Variants in NFKB2 observed in about 807,000 individuals in gnomAD.
NFKB2 encodes nuclear factor NF-kappa-B p100 subunit.
A neutral mutation model predicts 109.3 loss-of-function variants in NFKB2; 21 were observed. The observed-to-expected ratio is 0.19, with a 90% CI of 0.14 to 0.28. The LOEUF is 0.28. NFKB2 is among the 10% of genes least tolerant of loss of function. The pLI, the probability that NFKB2 is intolerant of heterozygous loss-of-function variation, is 1.00. For synonymous variants in NFKB2, 478 were observed against 489.9 expected (o/e 0.98, Z 0.32); for missense variants, 806 against 1,185.3 (o/e 0.68, Z 4.70).
At chr10:102,394,548 G>C (rs570589161), upstream of NFKB2, 1 of 143,850 alleles carries the variant, frequency 7.0e-6, no homozygotes, top group Non-Finnish European at 1.5e-5. Flanking sequence ...TGTCGCGACC[G>C]GTCCCAGGTG....
At position 102,399,605 on chromosome 10, in the gene NFKB2, C is replaced by T. The variant is rs1469768633; in HGVS notation, c.1356C>T (p.Gly452=). 2.6e-6 allele frequency: 4 copies of T among 1,548,512 alleles called. No homozygotes were observed. The highest frequency in any genetic ancestry group is 3.5e-6 in the Non-Finnish European group (4 of 1,146,500). The change falls in exon 14 of 23, where the codon GGC becomes GGT. Residue 452 remains glycine (G), a synonymous_variant. Transcript: ENST00000661543. ...RAREYNARLF[G]LAQRSARALL... ...GAGAGTACAACGCGCGCCTGTTCGG[C>T]CTGGCGCAGCGCAGCGCCCGAGCCC...
rs972735012 is a variant in NFKB2, at chr10:102,397,896, G to A, written c.662-85G>A. 10 of 1,431,330 alleles carry A rather than the reference G, an allele frequency of 7.0e-6. No homozygotes were observed. The highest frequency in any genetic ancestry group is 9.8e-6 in the Non-Finnish European group (10 of 1,020,818). The allele number at this position is 1,431,330 out of a possible 1,614,324, so 88.7% of individuals were successfully genotyped here. ...GTTTCCTGCAGCTCCAGGGGTTGCT[G>A]AGATAAGGAATACAAAGCCCCCAGC... On this transcript the variant is annotated intron_variant, in intron 8 of 22. Coordinates refer to ENST00000661543, the MANE Select transcript of NFKB2 (RefSeq NM_001322934.2). The surrounding 1 kb of genome is among the most constrained non-coding windows in gnomAD (Gnocchi z 4.7).
rs1009457501 is a variant in NFKB2, at chr10:102,398,039, G to A, written c.720G>A (p.Val240=). The A allele has an allele frequency of 3.1e-6, 5 of 1,614,040 alleles. No individual in the cohort carries two copies. The African/African-American group carries it at 5.3e-5, about 17-fold the overall frequency. The change falls in exon 9 of 23, where the codon GTG becomes GTA. Residue 240 remains valine (V), a synonymous_variant. Transcript: ENST00000661543. The surrounding 1 kb of genome is among the most constrained non-coding windows in gnomAD (Gnocchi z 6.6). ...ISRMDKTAGS[V]RGGDEVYLLC... ...GAATGGACAAGACAGCAGGCTCTGT[G>A]CGGGGTGGAGATGAAGTTTATCTGC...
chr10:102,399,525 G>T (rs1006420293), intron 13 of NFKB2, 28 bp downstream of exon 13: 5 of 1,503,324 alleles, frequency 3.3e-6, no homozygotes, highest in African/African-American at 1.4e-5. Flanking sequence ...CGGGCGGTCG[G>T]GGCGCCGGGG....
At position 102,396,489 on chromosome 10, in the gene NFKB2, GGTGA is replaced by G; in HGVS notation, c.144+6_144+9del. 1.2e-6 allele frequency: 2 copies of G among 1,614,024 alleles called. No individual in the cohort carries two copies. The highest frequency in any genetic ancestry group is 1.7e-6 in the Non-Finnish European group (2 of 1,180,014). ...TGGTGATCGTGGAACAGCCTAAGCAGGTGAGTGAGCAAAAGGGAGGGTGTGGAAT... is the reference window on the plus strand; with the variant it reads ...TGGTGATCGTGGAACAGCCTAAGCAGGTGAGCAAAAGGGAGGGTGTGGAAT... On this transcript the variant is annotated splice_donor_variant and splice_donor_region_variant and intron_variant, in intron 4 of 22. Transcript: ENST00000661543. LOFTEE classifies it high-confidence loss of function. The surrounding 1 kb of genome is among the most constrained non-coding windows in gnomAD (Gnocchi z 5.9).
chr10:102,402,128 TC>T lies in NFKB2; in HGVS notation c.2549del (p.Pro850GlnfsTer13). 1 of 1,578,642 alleles carries T rather than the reference TC, an allele frequency of 6.3e-7. No individual in the cohort carries two copies. Among genetic ancestry groups the T allele is most frequent in the Non-Finnish European group, 8.6e-7 (1 of 1,161,976 alleles). ...AGGAGGGAGTGAGGCTGCTGAGGGGTCCAGAAACCCGAGACAAGCTGCCCAG... is the reference window on the plus strand; with the variant it reads ...AGGAGGGAGTGAGGCTGCTGAGGGGTCAGAAACCCGAGACAAGCTGCCCAG... Reference protein sequence around the residue: ...LEEGVRLLRGPETRDKLPSTA... With the variant: ...LEEGVRLLRGXETRDKLPSTA... On this transcript the variant is annotated frameshift_variant, in exon 22 of 23. Coordinates refer to ENST00000661543, the MANE Select transcript of NFKB2 (RefSeq NM_001322934.2). LOFTEE classifies it high-confidence loss of function.
chr10:102,401,842 T>C lies in NFKB2; in HGVS notation c.2391T>C (p.Arg797=), dbSNP rs1351507874. The C allele has an allele frequency of 6.2e-7, 1 of 1,613,848 alleles. No homozygotes were observed. Among genetic ancestry groups the C allele is most frequent in the Non-Finnish European group, 8.5e-7 (1 of 1,179,966 alleles). ...GCAGCTGGGCAGAGCTGGCAGAGCG[T>C]CTGGGGCTGCGCAGCCTGGTAGACA... The part of the protein sequence containing the change: ...AQGSWAELAE[R]LGLRSLVDTY... Residue 797 remains arginine (R), a synonymous_variant, in exon 21 of 23, where the codon CGT becomes CGC. Coordinates refer to ENST00000661543, the MANE Select transcript of NFKB2 (RefSeq NM_001322934.2). This position sits in a 1 kb window ranked among gnomAD's most constrained non-coding sequence, Gnocchi z 4.2.
Position 102,395,770 on chromosome 10 carries a change from C to T in NFKB2, c.-99C>T, listed in dbSNP as rs1355289167. On this transcript the variant is annotated 5_prime_UTR_variant, in exon 1 of 23. Transcript: ENST00000661543. ...CTCGCTCTCCACCGGATCTCACCCGCCACACCCGGACAGGCGGCTGGAGGA... is the reference window on the plus strand; with the variant it reads ...CTCGCTCTCCACCGGATCTCACCCGTCACACCCGGACAGGCGGCTGGAGGA... 1.6e-6 allele frequency: 1 copy of T among 635,220 alleles called. No individual in the cohort carries two copies. The highest frequency in any genetic ancestry group is 2.7e-5 in the East Asian group (1 of 36,474). The allele number at this position is 635,220 out of a possible 1,614,324, so 39.3% of individuals were successfully genotyped here. A position where few individuals can be genotyped will look rare whatever the true frequency, so the allele number is the denominator to read the frequency against.
Position 102,399,321 on chromosome 10 carries a change from C to A in NFKB2, c.1151C>A (p.Ala384Asp). The change falls in exon 13 of 23, where the codon GCC (alanine) becomes GAC (aspartate). Residue 384 changes from alanine to aspartate, a missense_variant. Ala to Asp is a moderately radical substitution (Grantham distance 126, BLOSUM62 -2). Around this residue, in one of 10 missense-constraint regions of NFKB2, gnomAD observed 209 missense variants for 211.9 expected, o/e 0.99. Transcript: ENST00000661543. ...CTCGGTTTCTTCCCCTCCTCCCTGG[C>A]CTACAGCCCCTACCAGTCCGGCGCG... ...GSLGFFPSSL[A>D]YSPYQSGAGP... 6.3e-7 allele frequency: 1 copy of A among 1,594,932 alleles called. No individual in the cohort carries two copies. The highest frequency in any genetic ancestry group is 8.5e-7 in the Non-Finnish European group (1 of 1,171,692).
rs765693410 is a variant in NFKB2, at chr10:102,399,421, G to A, written c.1251G>A (p.Gly417=). The part of the protein sequence containing the change: ...MAATVPSRDS[G]EEAAEPSAPS... ...CCACGGTGCCCAGCAGGGACTCCGG[G>A]GAGGAAGCCGCGGAGCCAAGCGCCC... is the stretch of plus-strand genomic sequence containing the variant. Residue 417 remains glycine (G), a synonymous_variant, in exon 13 of 23, where the codon GGG becomes GGA. Transcript: ENST00000661543. 2.0e-6 allele frequency: 3 copies of A among 1,526,466 alleles called. No individual in the cohort carries two copies. Among genetic ancestry groups the A allele is most frequent in the South Asian group, 1.2e-5 (1 of 82,336 alleles). 94.6% of individuals were successfully genotyped at this position (1,526,466 alleles called of 1,614,324 possible).
rs1462924977 is a variant in NFKB2, at chr10:102,400,924, ACT to A, written c.1969-19_1969-18del. The A allele has an allele frequency of 6.2e-7, 1 of 1,603,826 alleles. No individual in the cohort carries two copies. Among genetic ancestry groups the A allele is most frequent in the South Asian group, 1.1e-5 (1 of 89,692 alleles). Reference sequence around the variant, plus strand: ...CCAAGGGGACCATGCTGTGGTGTCAACTCTCGCTGCTCGCACCCCCAGCTCCG... The same window carrying A: ...CCAAGGGGACCATGCTGTGGTGTCAACTCGCTGCTCGCACCCCCAGCTCCG... On this transcript the variant is annotated intron_variant, in intron 17 of 22. Coordinates refer to ENST00000661543, the MANE Select transcript of NFKB2 (RefSeq NM_001322934.2). This position sits in a 1 kb window ranked among gnomAD's most constrained non-coding sequence, Gnocchi z 6.3.
chr10:102,399,471 C>T lies in NFKB2; in HGVS notation c.1301C>T (p.Pro434Leu), dbSNP rs1024428958. Residue 434 changes from proline to leucine, a missense_variant, in exon 13 of 23, where the codon CCG becomes CTG. Transcript: ENST00000661543. Reference sequence around the variant, plus strand: ...CCCTCCAGGACCCCCCAGTGCGAGCCGCAGGCCCCGGAGATGCTGCAGCGA... The same window carrying T: ...CCCTCCAGGACCCCCCAGTGCGAGCTGCAGGCCCCGGAGATGCTGCAGCGA... ...SAPSRTPQCE[P>L]QAPEMLQRAR... The T allele has an allele frequency of 1.2e-5, 18 of 1,496,866 alleles. No individual in the cohort carries two copies. Among genetic ancestry groups the T allele is most frequent in the Admixed American group, 9.3e-5 (4 of 43,180 alleles). 92.7% of individuals were successfully genotyped at this position (1,496,866 alleles called of 1,614,324 possible). A position where few individuals can be genotyped will look rare whatever the true frequency, so the allele number is the denominator to read the frequency against.
At chr10:102,399,890 C>T in intron 14 of NFKB2, 172 bp downstream of exon 14, 4 of 1,122,524 alleles carry the variant, frequency 3.6e-6, no homozygotes, top group South Asian at 3.2e-5. Context: ...GTCGACCGTG[C>T]AAGGGGTACA....
intron 14 of NFKB2, 124 bp from the exon 15 acceptor site, chr10:102,399,956 C>A: frequency 2.7e-6 from 3 of 1,121,664 alleles, no homozygotes; most frequent in Non-Finnish European, 3.9e-6. Context: ...GCAGGCACAG[C>A]GATGCCCTGG....
At position 102,399,511 on chromosome 10, in the gene NFKB2, G is replaced by A; in HGVS notation, c.1327+14G>A. On this transcript the variant is annotated intron_variant, in intron 13 of 22. Transcript: ENST00000661543. ...TGCTGCAGCGAGGTATGGACTCCGG[G>A]GCACGGGCGGTCGGGGCGCCGGGGC... 1 of 1,500,902 alleles carries A rather than the reference G, an allele frequency of 6.7e-7. No homozygotes were observed. Among genetic ancestry groups the A allele is most frequent in the Non-Finnish European group, 8.9e-7 (1 of 1,123,530 alleles). The allele number at this position is 1,500,902 out of a possible 1,614,324, so 93.0% of individuals were successfully genotyped here. A position where few individuals can be genotyped will look rare whatever the true frequency, so the allele number is the denominator to read the frequency against.
chr10:102,399,024 C>A, intron 12 of NFKB2, 160 bp downstream of exon 12: 2 of 841,506 alleles, frequency 2.4e-6, no homozygotes, highest in Non-Finnish European at 3.6e-6. Flanking sequence ...ACCAGCTTGG[C>A]CAACAGCGTG....
Position 102,398,027 on chromosome 10 carries a change from A to G in NFKB2, c.708A>G (p.Thr236=). The change falls in exon 9 of 23, where the codon ACA becomes ACG. Residue 236 remains threonine (T), a synonymous_variant. Coordinates refer to ENST00000661543, the MANE Select transcript of NFKB2 (RefSeq NM_001322934.2). This position sits in a 1 kb window ranked among gnomAD's most constrained non-coding sequence, Gnocchi z 6.6. ...TGAAGATTTCTCGAATGGACAAGAC[A>G]GCAGGCTCTGTGCGGGGTGGAGATG... ...SNLKISRMDK[T]AGSVRGGDEV... is the part of the protein sequence containing the mutation. 1 of 1,614,186 alleles carries G rather than the reference A, an allele frequency of 6.2e-7. No individual in the cohort carries two copies. The highest frequency in any genetic ancestry group is 8.5e-7 in the Non-Finnish European group (1 of 1,180,018).
Position 102,397,736 on chromosome 10 carries a change from GA to G in NFKB2, c.661+52del. 2.5e-6 allele frequency: 4 copies of G among 1,579,324 alleles called. No individual in the cohort carries two copies. Among genetic ancestry groups the G allele is most frequent in the Non-Finnish European group, 3.5e-6 (4 of 1,156,978 alleles). On this transcript the variant is annotated intron_variant, in intron 8 of 22. Transcript: ENST00000661543. The surrounding 1 kb of genome is among the most constrained non-coding windows in gnomAD (Gnocchi z 4.7). The stretch of plus-strand genomic sequence containing the variant: ...CCAGGCCTGGTGGCAGAGGTGGCAT[GA>G]GGGGTGACCTCAAGCTGTGCAGTCA...
At position 102,400,023 on chromosome 10, in the gene NFKB2, T is replaced by A; in HGVS notation, c.1470-57T>A. On this transcript the variant is annotated intron_variant, in intron 14 of 22. Transcript: ENST00000661543. The surrounding 1 kb of genome is among the most constrained non-coding windows in gnomAD (Gnocchi z 6.3). ...GGGAGACTATGAGGGCGGTGGGGCC[T>A]TGAAAGCGAAGGATGCTCTGAGTGG... 1 of 1,562,092 alleles carries A rather than the reference T, an allele frequency of 6.4e-7. No homozygotes were observed. The highest frequency in any genetic ancestry group is 1.1e-5 in the South Asian group (1 of 89,420).
Sources: gnomAD v4.1 joint callset for allele counts on GRCh38, gnomAD v4.1.1 for gene constraint, gnomAD v4.1.1 regional missense constraint, Gnocchi (gnomAD v3.1) non-coding constraint, MANE v1.5 for transcripts, NCBI Gene and HGNC (gene_info 2026-07-23, HGNC 2026-07-21) for gene names.